KCNMA1: variants seen among roughly 807,000 people sequenced by gnomAD.
KCNMA1 encodes Calcium-activated potassium channel subunit alpha-1.
A neutral mutation model predicts 140.0 loss-of-function variants in KCNMA1; 29 were observed. That is an observed-to-expected ratio of 0.21 (90% CI 0.15 to 0.28). The LOEUF (loss-of-function observed/expected upper bound fraction) is 0.28. Among genes scored for constraint, KCNMA1 ranks in the 10% least tolerant of loss-of-function variants. KCNMA1 has a pLI of 1.00. For synonymous variants in KCNMA1, 612 were observed against 611.9 expected, an observed-to-expected ratio of 1.00 and a Z score of 0.00; for missense variants, 880 against 1,602.2, an observed-to-expected ratio of 0.55 and a Z score of 7.70.
chr10:77,068,698 T>TTTTGTG (rs1555197593), intron 14 of KCNMA1, among the ~76,000 whole-genome samples: 5 of 132,576 alleles, frequency 3.8e-5, no homozygotes, highest in South Asian at 2.7e-4. Context: ...GTTCCAGGTT[T>TTTTGTG]TGTGTGTGTG....
intron 3 of KCNMA1, among the ~76,000 whole-genome samples, chr10:77,209,149 G>A (rs904127568): frequency 6.6e-6 from 1 of 152,128 alleles, no homozygotes; most frequent in Non-Finnish European, 1.5e-5. Context: ...CAGGCACAGA[G>A]GCAGCTGAGT....
At chr10:77,473,504 GA>G (rs1216431471) in intron 1 of KCNMA1, among the ~76,000 whole-genome samples, 10 of 152,202 alleles carry the variant, frequency 6.6e-5, no homozygotes, top group Admixed American at 1.3e-4. Context: ...CCACCAGACA[GA>G]AGATTTAGAG....
At chr10:77,342,819 A>AT (rs1238020098) in intron 2 of KCNMA1, among the ~76,000 whole-genome samples, 2 of 152,162 alleles carry the variant, frequency 1.3e-5, no homozygotes, top group Non-Finnish European at 2.9e-5. Flanking sequence ...CAAGTTCTCC[A>AT]TGCCTGGAGG....
intron 1 of KCNMA1, among the ~76,000 whole-genome samples, chr10:77,590,561 G>A (rs924952357): frequency 3.9e-5 from 6 of 152,206 alleles, no homozygotes; most frequent in African/African-American, 1.2e-4. Flanking sequence ...GTTCCCGCCC[G>A]CGCCTCTCCC....
intron 3 of KCNMA1, among the ~76,000 whole-genome samples, chr10:77,195,271 C>A (rs952653623): frequency 6.6e-6 from 1 of 152,138 alleles, no homozygotes; most frequent in African/African-American, 2.4e-5. Flanking sequence ...AGCCTCACAG[C>A]CAAAACGGAG....
At chr10:77,416,181 A>G (rs2096737879) in intron 1 of KCNMA1, among the ~76,000 whole-genome samples, 1 of 152,088 alleles carries the variant, frequency 6.6e-6, no homozygotes, top group African/African-American at 2.4e-5. Context: ...TGTGGCTTTC[A>G]GACTTCAGGG....
At chr10:77,621,546 A>ACC (rs1491006037) in intron 1 of KCNMA1, among the ~76,000 whole-genome samples, 5 of 140,458 alleles carry the variant, frequency 3.6e-5, no homozygotes, top group Non-Finnish European at 6.1e-5. Context: ...ACACACACAC[A>ACC]CCCCTCTCTC....
chr10:77,178,407 A>C (rs1054460165), intron 5 of KCNMA1, among the ~76,000 whole-genome samples: 21 of 152,126 alleles, frequency 1.4e-4, no homozygotes, highest in African/African-American at 5.1e-4. Flanking sequence ...GATCACCCTC[A>C]ACAAAAACAT....
chr10:77,618,818 A>G (rs1053362611), intron 1 of KCNMA1, among the ~76,000 whole-genome samples: 16 of 152,328 alleles, frequency 1.1e-4, no homozygotes, highest in African/African-American at 3.8e-4. Context: ...GTACATAGGG[A>G]CTTTCTTCTC....
Position 77,450,764 on chromosome 10 carries a change from G to A in KCNMA1, c.379-46741C>T, listed in dbSNP as rs565060216. On this transcript the variant is annotated intron_variant, in intron 1 of 27. Transcript: ENST00000286628. ...GGGCCCCATGAGACTCATTCCAGGAGGTTACCAAAGTAGTAGACCTGAAAT... is the reference window on the plus strand; with the variant it reads ...GGGCCCCATGAGACTCATTCCAGGAAGTTACCAAAGTAGTAGACCTGAAAT... Among the ~76,000 whole-genome samples, 7 of 152,284 alleles carry A rather than the reference G, an allele frequency of 4.6e-5. No individual in the cohort carries two copies. The South Asian group carries it at 1.5e-3, about 32-fold the overall frequency.
chr10:77,146,530 G>A (rs999180278), intron 5 of KCNMA1, among the ~76,000 whole-genome samples: 6 of 151,806 alleles, frequency 4.0e-5, no homozygotes, highest in East Asian at 3.9e-4. Context: ...GCAAAACTTC[G>A]TCTCTTCTAA....
chr10:77,398,724 A>G (rs2096156503), intron 2 of KCNMA1, among the ~76,000 whole-genome samples: 1 of 152,218 alleles, frequency 6.6e-6, no homozygotes, highest in Non-Finnish European at 1.5e-5. Context: ...TGAGTCGTGG[A>G]GCCCACATGG....
chr10:77,497,620 G>T lies in KCNMA1; in HGVS notation c.379-93597C>A, dbSNP rs117810161. Reference sequence around the variant, plus strand: ...CCCAACCTATATTATAAAACCTCTTGATCTCCTAAAAGAGAGCTGAGTTTA... The same window carrying T: ...CCCAACCTATATTATAAAACCTCTTTATCTCCTAAAAGAGAGCTGAGTTTA... On this transcript the variant is annotated intron_variant, in intron 1 of 27. Transcript: ENST00000286628. Among the ~76,000 whole-genome samples, 464 of 152,318 alleles carry T rather than the reference G, an allele frequency of 3.0e-3. 1 individual carries two copies. The highest frequency in any genetic ancestry group is 5.5e-3 in the Non-Finnish European group (373 of 68,016).
chr10:76,975,468 A>C (rs1219802876), intron 19 of KCNMA1: 1 of 152,248 alleles, frequency 6.6e-6, no homozygotes, highest in Admixed American at 6.5e-5. Flanking sequence ...AATACATGCC[A>C]GCTGAACAAC....
At chr10:77,213,330 C>T (rs1164071649) in intron 3 of KCNMA1, among the ~76,000 whole-genome samples, 2 of 152,100 alleles carry the variant, frequency 1.3e-5, no homozygotes, top group Non-Finnish European at 2.9e-5. Flanking sequence ...TATCCTTTGA[C>T]TTTTATACTC....
chr10:77,011,994 T>G lies in KCNMA1; in HGVS notation c.2065A>C (p.Arg689=). 7 of 1,613,924 alleles carry G rather than the reference T, an allele frequency of 4.3e-6. No individual in the cohort carries two copies. Among genetic ancestry groups the G allele is most frequent in the Non-Finnish European group, 5.9e-6 (7 of 1,179,886 alleles). Residue 689 remains arginine, a synonymous_variant, in exon 18 of 28, where the codon AGA becomes CGA. Transcript: ENST00000286628. ...CGTTTGCAGCCACATTTTTTTATTC[T>G]TTTGGGATCTGTGATGTCATCATGA... The part of the protein sequence containing the change: ...ACHDDITDPK[R]IKKCGCKRPK...
At position 76,891,508 on chromosome 10, in the gene KCNMA1, C is replaced by T. The variant is rs200698450; in HGVS notation, c.3342+17G>A. ...CCCAAACAGCAAGCTCAGGTGACCTCGGTGCTGTGGACTCACCCCTAAGTC... is the reference window on the plus strand; with the variant it reads ...CCCAAACAGCAAGCTCAGGTGACCTTGGTGCTGTGGACTCACCCCTAAGTC... On this transcript the variant is annotated intron_variant, in intron 26 of 27. Coordinates refer to ENST00000286628, the MANE Select transcript of KCNMA1 (RefSeq NM_001161352.2). 109 of 1,605,604 alleles carry T rather than the reference C, an allele frequency of 6.8e-5. No individual in the cohort carries two copies. Among genetic ancestry groups the T allele is most frequent in the Middle Eastern group, 1.7e-4 (1 of 5,972 alleles).
intron 19 of KCNMA1, among the ~76,000 whole-genome samples, chr10:76,984,543 A>G (rs187239183): frequency 1.3e-5 from 2 of 152,296 alleles, no homozygotes; most frequent in East Asian, 3.9e-4. Context: ...TGATTTTTAT[A>G]TAAAACATTA....
At chr10:77,401,872 G>A (rs1468579980) in intron 2 of KCNMA1, among the ~76,000 whole-genome samples, 3 of 152,150 alleles carry the variant, frequency 2.0e-5, no homozygotes, top group African/African-American at 7.2e-5. Context: ...TGCACACCGT[G>A]TTTGTACTCA....
Sources: allele counts gnomAD v4.1 joint callset (sites outside exome capture counted in the v4.1 genomes callset), GRCh38; gene constraint gnomAD v4.1.1; transcripts MANE v1.5; gene names NCBI Gene and HGNC (gene_info 2026-07-23, HGNC 2026-07-21).